Variants in SLC38A6 observed in about 807,000 individuals in gnomAD.
SLC38A6 encodes the protein solute carrier family 38 member 6.
A neutral mutation model predicts 65.0 loss-of-function variants in SLC38A6; 73 were observed. That is an observed-to-expected ratio of 1.12 (90% CI 0.93 to 1.37). The LOEUF (loss-of-function observed/expected upper bound fraction) is 1.37, where lower values mean the gene tolerates loss of function less well. Among genes scored for constraint, SLC38A6 ranks in the 40% most tolerant of loss-of-function variants. The pLI is 0.00. For synonymous variants in SLC38A6, 183 were observed against 178.8 expected, an observed-to-expected ratio of 1.02 and a Z score of -0.19; for missense variants, 561 against 531.1, an observed-to-expected ratio of 1.06 and a Z score of -0.55.
At chr14:61,000,299 C>T (rs1406280333) in intron 3 of SLC38A6, among the ~76,000 whole-genome samples, 1 of 152,186 alleles carries the variant, frequency 6.6e-6, no homozygotes, top group Non-Finnish European at 1.5e-5. Flanking sequence ...CCAAAATAAA[C>T]ATGCAAGGCA....
intron 5 of SLC38A6, among the ~76,000 whole-genome samples, chr14:61,021,783 G>A (rs555075786): frequency 1.3e-5 from 2 of 152,122 alleles, no homozygotes; most frequent in Non-Finnish European, 1.5e-5. Context: ...AGTGTATTAA[G>A]TGCCCAGTCA....
At chr14:61,057,837 G>T (rs1462678266) in intron 15 of SLC38A6, among the ~76,000 whole-genome samples, 1 of 125,952 alleles carries the variant, frequency 7.9e-6, no homozygotes, top group Non-Finnish European at 1.7e-5. Context: ...CTTCTTCCTG[G>T]TTTAGTCTTG....
intron 1 of SLC38A6, 144 bp from the exon 2 acceptor site, chr14:60,982,364 T>C: frequency 1.0e-6 from 1 of 982,712 alleles, no homozygotes; most frequent in Non-Finnish European, 1.6e-6. Flanking sequence ...GAAAGGAAAT[T>C]AGTGTTGGTT....
intron 15 of SLC38A6, among the ~76,000 whole-genome samples, chr14:61,073,249 GTTGT>G (rs1423130193): frequency 6.6e-6 from 1 of 152,104 alleles, no homozygotes; most frequent in Non-Finnish European, 1.5e-5. Flanking sequence ...TTCCAATGGA[GTTGT>G]TTGAGTTCCT....
intron 3 of SLC38A6, among the ~76,000 whole-genome samples, chr14:61,008,703 T>C (rs1595051351): frequency 1.3e-5 from 2 of 152,148 alleles, no homozygotes; most frequent in East Asian, 1.9e-4. Context: ...ATTAAACATG[T>C]GACATGAAAA....
chr14:60,982,262 T>A (rs1566598961), intron 1 of SLC38A6: 1 of 542,932 alleles, frequency 1.8e-6, no homozygotes, highest in Non-Finnish European at 3.5e-6. Context: ...TGGCCCTTCC[T>A]GAACTCTGCC....
intron 3 of SLC38A6, among the ~76,000 whole-genome samples, chr14:61,015,349 C>T (rs951692489): frequency 1.3e-5 from 2 of 152,144 alleles, no homozygotes; most frequent in African/African-American, 4.8e-5. Flanking sequence ...TGATGCCTCA[C>T]CCTGCTTCGG....
intron 3 of SLC38A6, chr14:60,986,996 G>A (rs1228996117): frequency 1.3e-5 from 5 of 386,618 alleles, no homozygotes; most frequent in African/African-American, 2.2e-5. Context: ...ACTCTGGGGC[G>A]TATGAAGTGA....
At chr14:61,051,644 T>C in intron 13 of SLC38A6, 143 bp from the exon 14 acceptor site, 1 of 806,762 alleles carries the variant, frequency 1.2e-6, no homozygotes, top group East Asian at 2.7e-5. Flanking sequence ...ATAAATACTT[T>C]ATAATAATAG....
chr14:61,078,318 A>G (rs912901730), intron 15 of SLC38A6, among the ~76,000 whole-genome samples: 1 of 152,230 alleles, frequency 6.6e-6, no homozygotes, highest in African/African-American at 2.4e-5. Context: ...TAGAAATGAG[A>G]ATGAAAGGAA....
At chr14:61,018,108 A>G (rs760558351) in intron 4 of SLC38A6, among the ~76,000 whole-genome samples, 2 of 152,208 alleles carry the variant, frequency 1.3e-5, no homozygotes, top group African/African-American at 4.8e-5. Flanking sequence ...TAGATATTCT[A>G]GCTTTCAAGA....
At chr14:61,004,499 G>A (rs551447436) in intron 3 of SLC38A6, 4 of 152,226 alleles carry the variant, frequency 2.6e-5, no homozygotes, top group South Asian at 4.1e-4. Flanking sequence ...AAATGATAAA[G>A]GGGTTATCAC....
At chr14:61,073,690 A>G (rs185302973) in intron 15 of SLC38A6, among the ~76,000 whole-genome samples, 1 of 152,218 alleles carries the variant, frequency 6.6e-6, no homozygotes, top group Admixed American at 6.5e-5. Flanking sequence ...CCATATACCT[A>G]CCACTGAAAC....
At chr14:60,999,360 T>C (rs894846758) in intron 3 of SLC38A6, among the ~76,000 whole-genome samples, 1 of 152,224 alleles carries the variant, frequency 6.6e-6, no homozygotes, top group Admixed American at 6.5e-5. Flanking sequence ...GTAATGATAA[T>C]GGAATAAAGA....
intron 3 of SLC38A6, among the ~76,000 whole-genome samples, chr14:60,999,128 C>T (rs2038517786): frequency 6.6e-6 from 1 of 152,060 alleles, no homozygotes; most frequent in African/African-American, 2.4e-5. Flanking sequence ...GTCTCAGATC[C>T]CAAGGAATTT....
chr14:61,018,413 C>A (rs756858228), intron 4 of SLC38A6, among the ~76,000 whole-genome samples: 2 of 152,180 alleles, frequency 1.3e-5, no homozygotes, highest in African/African-American at 4.8e-5. Flanking sequence ...ATTTTCATAT[C>A]ATTAGCCCTC....
At chr14:61,043,716 T>TTC in intron 10 of SLC38A6, among the ~76,000 whole-genome samples, 1 of 142,362 alleles carries the variant, frequency 7.0e-6, no homozygotes, top group Non-Finnish European at 1.5e-5. Context: ...TTTTTTTTTT[T>TTC]CCTGGTATGC....
chr14:61,047,985 A>G (rs1327169909), intron 12 of SLC38A6, among the ~76,000 whole-genome samples: 1 of 18,314 alleles, frequency 5.5e-5, no homozygotes, highest in Admixed American at 7.4e-4. Context: ...ATACATACAT[A>G]CATACATACA....
intron 5 of SLC38A6, among the ~76,000 whole-genome samples, chr14:61,022,495 TAATA>T (rs202192129): frequency 0.046 from 6,847 of 150,148 alleles, 253 homozygotes; most frequent in African/African-American, 0.098. Context: ...AGTTTTATTA[TAATA>T]AATAAGTTAA....
Sources: allele counts gnomAD v4.1 joint callset (sites outside exome capture counted in the v4.1 genomes callset), GRCh38; gene constraint gnomAD v4.1.1; transcripts MANE v1.5; gene names NCBI Gene and HGNC (gene_info 2026-07-23, HGNC 2026-07-21).